The following RABGAP1L variants were observed in gnomAD, a reference collection of about 807,000 sequenced individuals.
RABGAP1L encodes RAB GTPase activating protein 1 like, also known as rab GTPase-activating protein 1-like.
RABGAP1L carries 63 observed loss-of-function variants against 137.7 expected under a neutral mutation model. That is an observed-to-expected ratio of 0.46 (90% CI 0.37 to 0.56). The LOEUF is 0.56. Among genes scored for constraint, RABGAP1L ranks in the 20% least tolerant of loss-of-function variants. The pLI, the probability that RABGAP1L is intolerant of heterozygous loss-of-function variation, is 0.00. For missense variants in RABGAP1L, 1,095 were observed against 1,244.0 expected (o/e 0.88, Z 1.80); for synonymous variants, 431 against 433.7 (o/e 0.99, Z 0.08).
chr1:174,241,562 G>A lies in RABGAP1L; in HGVS notation c.622G>A (p.Gly208Arg), dbSNP rs758204407. The A allele has an allele frequency of 1.9e-6, 3 of 1,613,312 alleles. No individual in the cohort carries two copies. Among genetic ancestry groups the A allele is most frequent in the African/African-American group, 1.3e-5 (1 of 74,994 alleles). The stretch of plus-strand genomic sequence containing the variant: ...GTTATTCTGTGCACGTGGACATGAC[G>A]GAACAACAGAGAGCAATTGCTTTGC... The part of the protein sequence containing the change: ...KVLFCARGHD[G>R]TTESNCFAFT... The change falls in exon 5 of 26, where the codon GGA becomes AGA. Residue 208 changes from glycine to arginine, a missense_variant. By Grantham distance (125) the Gly-to-Arg change is moderately radical. Coordinates refer to ENST00000681986, the MANE Select transcript of RABGAP1L (RefSeq NM_001366446.1).
chr1:174,885,548 G>T (rs970552005), intron 19 of RABGAP1L, among the ~76,000 whole-genome samples: 1 of 152,040 alleles, frequency 6.6e-6, no homozygotes, highest in African/African-American at 2.4e-5. Flanking sequence ...TAGAGATGGG[G>T]TTTCACTGTG....
At chr1:174,461,524 G>A (rs1337923462) in intron 13 of RABGAP1L, among the ~76,000 whole-genome samples, 1 of 152,104 alleles carries the variant, frequency 6.6e-6, no homozygotes, top group East Asian at 1.9e-4. Flanking sequence ...GTATATAGTG[G>A]CTACTCAATT....
chr1:174,349,937 G>A (rs1277677132), intron 11 of RABGAP1L, among the ~76,000 whole-genome samples: 4 of 137,126 alleles, frequency 2.9e-5, no homozygotes, highest in African/African-American at 5.3e-5. Context: ...CCTCCCGGAC[G>A]GGGCGGCTGG....
intron 13 of RABGAP1L, among the ~76,000 whole-genome samples, chr1:174,477,939 A>G (rs573151195): frequency 6.6e-6 from 1 of 152,296 alleles, no homozygotes; most frequent in Non-Finnish European, 1.5e-5. Context: ...ATAGGCTGCT[A>G]ATATAGATAG....
intron 13 of RABGAP1L, among the ~76,000 whole-genome samples, chr1:174,617,118 G>T (rs1671960863): frequency 6.6e-6 from 1 of 152,154 alleles, no homozygotes; most frequent in Non-Finnish European, 1.5e-5. Flanking sequence ...GAGTCTTCCA[G>T]TTCTTAGAAT....
At chr1:174,533,148 C>T (rs983301731) in intron 13 of RABGAP1L, among the ~76,000 whole-genome samples, 8 of 152,276 alleles carry the variant, frequency 5.3e-5, no homozygotes, top group South Asian at 4.1e-4. Flanking sequence ...GCAGGAGAAT[C>T]GCTTGAACCC....
chr1:174,814,286 A>G (rs966550714), intron 19 of RABGAP1L, among the ~76,000 whole-genome samples: 19 of 152,300 alleles, frequency 1.2e-4, no homozygotes, highest in African/African-American at 4.6e-4. Flanking sequence ...GATTTCAATA[A>G]TTTAAAATTT....
intron 10 of RABGAP1L, among the ~76,000 whole-genome samples, chr1:174,300,292 G>A (rs989232235): frequency 1.3e-5 from 2 of 151,610 alleles, no homozygotes; most frequent in Non-Finnish European, 2.9e-5. Context: ...TTGGGAGGCC[G>A]AGGCTGGTGA....
chr1:174,818,380 TGAGAA>T (rs1234970230), intron 19 of RABGAP1L, among the ~76,000 whole-genome samples: 1 of 152,164 alleles, frequency 6.6e-6, no homozygotes, highest in East Asian at 1.9e-4. Context: ...TATAAGGTAC[TGAGAA>T]GTGGAAAGTA....
At chr1:174,641,555 C>T (rs1381726126) in intron 14 of RABGAP1L, among the ~76,000 whole-genome samples, 1 of 152,122 alleles carries the variant, frequency 6.6e-6, no homozygotes, top group Non-Finnish European at 1.5e-5. Context: ...AGGTCAATAA[C>T]ATATTTTAAA....
At chr1:174,800,833 T>C (rs978200087) in intron 18 of RABGAP1L, among the ~76,000 whole-genome samples, 2 of 152,202 alleles carry the variant, frequency 1.3e-5, no homozygotes, top group African/African-American at 4.8e-5. Flanking sequence ...GGCATTCTGT[T>C]ATGTATATCT....
intron 21 of RABGAP1L, among the ~76,000 whole-genome samples, chr1:174,969,724 C>G (rs1484895625): frequency 6.6e-6 from 1 of 152,144 alleles, no homozygotes; most frequent in East Asian, 1.9e-4. Flanking sequence ...ACAGTAGATG[C>G]CTTACTTTTT....
chr1:174,581,553 A>C (rs1190534394), intron 13 of RABGAP1L, among the ~76,000 whole-genome samples: 1 of 152,192 alleles, frequency 6.6e-6, no homozygotes, highest in Non-Finnish European at 1.5e-5. Context: ...AATCAGAATT[A>C]TTGGAGGGTG....
At chr1:174,427,142 TTATG>T (rs1212726077) in intron 13 of RABGAP1L, among the ~76,000 whole-genome samples, 101 of 115,588 alleles carry the variant, frequency 8.7e-4, no homozygotes, top group African/African-American at 3.1e-3. Flanking sequence ...CTCCGCATGT[TTATG>T]TGTGTGTGTG....
intron 14 of RABGAP1L, among the ~76,000 whole-genome samples, chr1:174,658,886 C>G (rs888892428): frequency 2.0e-5 from 3 of 152,130 alleles, no homozygotes; most frequent in Non-Finnish European, 4.4e-5. Context: ...GTATCTCTGG[C>G]TTCAAGAATG....
rs143670404 is a variant in RABGAP1L, at chr1:174,384,300, G to T, written c.1560-9695G>T. Reference sequence around the variant, plus strand: ...ACTACAAGAGGGTCCAGGGAATTTGGGTATGGGGGGAATGAGGGAACTATC... The same window carrying T: ...ACTACAAGAGGGTCCAGGGAATTTGTGTATGGGGGGAATGAGGGAACTATC... On this transcript the variant is annotated intron_variant, in intron 12 of 25. Transcript: ENST00000681986. 1.2e-3 allele frequency among the ~76,000 whole-genome samples: 188 copies of T among 152,266 alleles called. 1 individual carries two copies. Among genetic ancestry groups the T allele is most frequent in the African/African-American group, 4.4e-3 (184 of 41,558 alleles).
chr1:174,281,548 C>G (rs1165364782), intron 10 of RABGAP1L, among the ~76,000 whole-genome samples: 1 of 152,214 alleles, frequency 6.6e-6, no homozygotes, highest in East Asian at 1.9e-4. Flanking sequence ...ATTCGCCTCT[C>G]ACCTTGACCT....
At chr1:174,315,622 CTTTT>C (rs35771793) in intron 11 of RABGAP1L, among the ~76,000 whole-genome samples, 1 of 132,706 alleles carries the variant, frequency 7.5e-6, no homozygotes, top group South Asian at 2.4e-4. Flanking sequence ...CATTTCTTGC[CTTTT>C]TTTTTTTTTT....
At chr1:174,768,643 C>G (rs1685866462) in intron 18 of RABGAP1L, among the ~76,000 whole-genome samples, 1 of 152,254 alleles carries the variant, frequency 6.6e-6, no homozygotes, top group African/African-American at 2.4e-5. Context: ...AACACAAACC[C>G]TGGAATCATG....
Sources: allele counts gnomAD v4.1 joint callset (sites outside exome capture counted in the v4.1 genomes callset), GRCh38; gene constraint gnomAD v4.1.1; transcripts MANE v1.5; gene names NCBI Gene and HGNC (gene_info 2026-07-23, HGNC 2026-07-21).